Variants in SLC6A11 observed in about 807,000 individuals in gnomAD.
SLC6A11 encodes the protein sodium- and chloride-dependent GABA transporter 3.
In SLC6A11, 25 loss-of-function variants were observed where a neutral mutation model predicts 74.8. The observed-to-expected ratio is 0.33, with a 90% CI of 0.24 to 0.47. The LOEUF (loss-of-function observed/expected upper bound fraction) is 0.47. Ranked by LOEUF, SLC6A11 falls within the 20% of genes least tolerant of loss-of-function variation. The pLI is 1.00. For synonymous variants in SLC6A11, 330 were observed against 330.2 expected, an observed-to-expected ratio of 1.00 and a Z score of 0.01; for missense variants, 574 against 837.0, an observed-to-expected ratio of 0.69 and a Z score of 3.88.
chr3:10,833,073 CT>C (rs1371291808), intron 4 of SLC6A11, among the ~76,000 whole-genome samples: 1 of 151,490 alleles, frequency 6.6e-6, no homozygotes, highest in East Asian at 1.9e-4. Flanking sequence ...ATTTTTTTTT[CT>C]TTTTGAGACA....
chr3:10,841,620 G>A (rs975590503), intron 4 of SLC6A11, among the ~76,000 whole-genome samples: 5 of 152,214 alleles, frequency 3.3e-5, no homozygotes, highest in East Asian at 1.9e-4. Context: ...TCAATTAAGC[G>A]AGAGGGTGCC....
chr3:10,881,959 C>G (rs549479450), intron 6 of SLC6A11, among the ~76,000 whole-genome samples: 3 of 152,304 alleles, frequency 2.0e-5, no homozygotes, highest in South Asian at 4.1e-4. Flanking sequence ...CTGACTGGTA[C>G]AAAGCTCTGG....
At chr3:10,881,941 C>T (rs895759846) in intron 6 of SLC6A11, among the ~76,000 whole-genome samples, 1 of 152,176 alleles carries the variant, frequency 6.6e-6, no homozygotes, top group Admixed American at 6.5e-5. Flanking sequence ...AAAGGGGACA[C>T]AGGGCGTCTG....
At chr3:10,913,734 C>G (rs971052039) in intron 7 of SLC6A11, among the ~76,000 whole-genome samples, 1 of 152,204 alleles carries the variant, frequency 6.6e-6, no homozygotes, top group African/African-American at 2.4e-5. Context: ...CGCTCAGTCA[C>G]CCAGGCTGGA....
intron 5 of SLC6A11, among the ~76,000 whole-genome samples, chr3:10,847,225 A>G (rs528287955): frequency 4.6e-5 from 7 of 152,302 alleles, no homozygotes; most frequent in East Asian, 1.9e-4. Context: ...ATTGGGGACC[A>G]TACAGTCTAT....
intron 4 of SLC6A11, chr3:10,825,443 A>G (rs1694196191): frequency 6.6e-6 from 1 of 152,042 alleles, no homozygotes; most frequent in African/African-American, 2.4e-5. Context: ...CTATTTGGAT[A>G]GTTTGTCTTT....
chr3:10,858,693 G>T (rs900735349), intron 5 of SLC6A11, among the ~76,000 whole-genome samples: 33 of 152,206 alleles, frequency 2.2e-4, no homozygotes, highest in African/African-American at 7.5e-4. Context: ...TCACAGAGCT[G>T]GGACTGGAAG....
At chr3:10,935,237 G>C (rs754137627) in intron 13 of SLC6A11, 38 bp downstream of exon 13, 1 of 1,598,540 alleles carries the variant, frequency 6.3e-7, no homozygotes, top group Non-Finnish European at 8.6e-7. Flanking sequence ...GTTTGGGCAG[G>C]GTTCGCGCCT....
intron 4 of SLC6A11, among the ~76,000 whole-genome samples, chr3:10,840,186 C>T (rs1018175612): frequency 1.3e-5 from 2 of 152,148 alleles, no homozygotes; most frequent in African/African-American, 4.8e-5. Context: ...CCCATGTGGC[C>T]GCCTCCTCAC....
chr3:10,839,290 C>T (rs1694407454), intron 4 of SLC6A11, among the ~76,000 whole-genome samples: 1 of 152,202 alleles, frequency 6.6e-6, no homozygotes, highest in African/African-American at 2.4e-5. Flanking sequence ...AGCCAAACTT[C>T]CTGAAGGAGC....
chr3:10,892,862 A>C (rs529125064), intron 6 of SLC6A11, among the ~76,000 whole-genome samples: 1 of 152,336 alleles, frequency 6.6e-6, no homozygotes, highest in African/African-American at 2.4e-5. Context: ...AGGATTTCCC[A>C]AGGCTGTGGA....
At position 10,816,243 on chromosome 3, in the gene SLC6A11, C is replaced by A. The variant is rs917405426; in HGVS notation, c.-23C>A. 2 of 1,299,752 alleles carry A rather than the reference C, an allele frequency of 1.5e-6. No individual in the cohort carries two copies. The highest frequency in any genetic ancestry group is 9.7e-7 in the Non-Finnish European group (1 of 1,027,790). 80.5% of individuals were successfully genotyped at this position (1,299,752 alleles called of 1,614,324 possible). ...GGGCGGCGGCGCAGAGCCGGGCCGG[C>A]GCACGAGGCAGCCAGCGCGGCCATG... On this transcript the variant is annotated 5_prime_UTR_variant, in exon 1 of 14. Coordinates refer to ENST00000254488, the MANE Select transcript of SLC6A11 (RefSeq NM_014229.3). This position sits in a 1 kb window ranked among gnomAD's most constrained non-coding sequence, Gnocchi z 4.2.
intron 7 of SLC6A11, among the ~76,000 whole-genome samples, chr3:10,917,439 C>G (rs1695472688): frequency 6.6e-6 from 1 of 152,170 alleles, no homozygotes; most frequent in Admixed American, 6.5e-5. Context: ...ACAAGGTCAC[C>G]TGGCAGCTCC....
intron 9 of SLC6A11, among the ~76,000 whole-genome samples, chr3:10,927,341 G>T (rs1695622593): frequency 6.6e-6 from 1 of 152,190 alleles, no homozygotes; most frequent in African/African-American, 2.4e-5. Flanking sequence ...CAGCAGTTGG[G>T]CCTGGGGGCC....
intron 4 of SLC6A11, 51 bp from the exon 5 acceptor site, chr3:10,844,163 T>C (rs1282475108): frequency 6.2e-7 from 1 of 1,611,100 alleles, no homozygotes; most frequent in Non-Finnish European, 8.5e-7. Context: ...CTAGCTTTGC[T>C]GAAAATGGGC....
At chr3:10,829,357 G>T (rs1694261560) in intron 4 of SLC6A11, among the ~76,000 whole-genome samples, 2 of 152,210 alleles carry the variant, frequency 1.3e-5, no homozygotes, top group Non-Finnish European at 2.9e-5. Flanking sequence ...CAGGTACAGA[G>T]TCATGGTTGG....
At chr3:10,912,245 C>A in intron 7 of SLC6A11, 52 bp downstream of exon 7, 1 of 1,212,324 alleles carries the variant, frequency 8.2e-7, no homozygotes, top group Non-Finnish European at 1.2e-6. Flanking sequence ...TGAGAGCCCT[C>A]TAACCTGCCA....
At chr3:10,827,416 A>G (rs1006147050) in intron 4 of SLC6A11, among the ~76,000 whole-genome samples, 2 of 152,214 alleles carry the variant, frequency 1.3e-5, no homozygotes, top group African/African-American at 4.8e-5. Flanking sequence ...GGGCTTTGAC[A>G]GAGCATACCT....
chr3:10,899,987 G>T (rs1423420765), intron 6 of SLC6A11, among the ~76,000 whole-genome samples: 1 of 152,210 alleles, frequency 6.6e-6, no homozygotes, highest in Non-Finnish European at 1.5e-5. Context: ...TCTGACAGGT[G>T]GTGGATGTCT....
Sources: allele counts gnomAD v4.1 joint callset (sites outside exome capture counted in the v4.1 genomes callset), GRCh38; gene constraint gnomAD v4.1.1; non-coding constraint Gnocchi (gnomAD v3.1); transcripts MANE v1.5; gene names NCBI Gene and HGNC (gene_info 2026-07-23, HGNC 2026-07-21).